The following PDE3A variants were observed in gnomAD, a reference collection of about 807,000 sequenced individuals.
PDE3A encodes phosphodiesterase 3A, also known as cGMP-inhibited 3',5'-cyclic phosphodiesterase 3A.
In PDE3A, 43 loss-of-function variants were observed where a neutral mutation model predicts 98.3. That is an observed-to-expected ratio of 0.44 (90% CI 0.34 to 0.56). PDE3A has a LOEUF of 0.56. Ranked by LOEUF, PDE3A falls within the 20% of genes least tolerant of loss-of-function variation. PDE3A has a pLI of 0.01. For synonymous variants in PDE3A, 663 were observed against 567.9 expected (o/e 1.17, Z -2.38); for missense variants, 1,427 against 1,440.7 (o/e 0.99, Z 0.15).
chr12:20,395,844 G>T (rs1189553256), intron 1 of PDE3A, among the ~76,000 whole-genome samples: 6 of 151,496 alleles, frequency 4.0e-5, no homozygotes, highest in Non-Finnish European at 7.4e-5. Flanking sequence ...TATCAATGAG[G>T]TTCGTTAAAA....
chr12:20,465,331 C>T (rs1945322876), intron 1 of PDE3A, among the ~76,000 whole-genome samples: 1 of 152,106 alleles, frequency 6.6e-6, no homozygotes. Flanking sequence ...AATTTTCTAC[C>T]AACTCCCCAA....
At chr12:20,533,888 A>G (rs573519452) in intron 1 of PDE3A, among the ~76,000 whole-genome samples, 2 of 152,292 alleles carry the variant, frequency 1.3e-5, no homozygotes, top group East Asian at 3.9e-4. Context: ...CCTGCCTTTC[A>G]AAATTACATT....
At chr12:20,598,205 T>C (rs1000172746) in intron 2 of PDE3A, among the ~76,000 whole-genome samples, 2 of 149,710 alleles carry the variant, frequency 1.3e-5, no homozygotes, top group Non-Finnish European at 2.9e-5. Flanking sequence ...TATTTTGAGA[T>C]GGAGTCTTGC....
chr12:20,391,119 G>A (rs1301289020), intron 1 of PDE3A, among the ~76,000 whole-genome samples: 1 of 151,726 alleles, frequency 6.6e-6, no homozygotes, highest in African/African-American at 2.4e-5. Context: ...GCAGATGAGT[G>A]CTTTTCATAT....
intron 1 of PDE3A, among the ~76,000 whole-genome samples, chr12:20,524,224 G>A (rs1248345360): frequency 6.6e-6 from 1 of 152,342 alleles, no homozygotes; most frequent in African/African-American, 2.4e-5. Context: ...TTAGGTTTCA[G>A]TGACAAGTTT....
chr12:20,659,200 T>C (rs911122427), intron 15 of PDE3A, among the ~76,000 whole-genome samples: 4 of 152,170 alleles, frequency 2.6e-5, no homozygotes, highest in Admixed American at 6.5e-5. Flanking sequence ...TTCATTTCCC[T>C]CAGCACTCAT....
At chr12:20,492,725 GATTATA>G (rs1190182775) in intron 1 of PDE3A, among the ~76,000 whole-genome samples, 1 of 152,074 alleles carries the variant, frequency 6.6e-6, no homozygotes, top group Non-Finnish European at 1.5e-5. Context: ...AGCGAGGGGT[GATTATA>G]AATACTCACC....
intron 1 of PDE3A, among the ~76,000 whole-genome samples, chr12:20,545,278 T>C (rs1298065188): frequency 3.3e-5 from 5 of 152,054 alleles, no homozygotes; most frequent in Non-Finnish European, 7.4e-5. Flanking sequence ...TCTAAAGCAG[T>C]ATATAGGAAG....
At chr12:20,657,743 G>A (rs1036258263) in intron 15 of PDE3A, among the ~76,000 whole-genome samples, 3 of 152,104 alleles carry the variant, frequency 2.0e-5, no homozygotes, top group African/African-American at 7.2e-5. Flanking sequence ...TTTCTTCTAC[G>A]TCACCTTCTT....
intron 10 of PDE3A, among the ~76,000 whole-genome samples, chr12:20,640,386 A>G (rs1944618849): frequency 6.6e-6 from 1 of 152,132 alleles, no homozygotes; most frequent in Non-Finnish European, 1.5e-5. Flanking sequence ...TTTATTGGGT[A>G]AATTCAACTT....
chr12:20,569,335 G>T (rs1224077800), intron 2 of PDE3A, among the ~76,000 whole-genome samples: 3 of 151,898 alleles, frequency 2.0e-5, no homozygotes, highest in Non-Finnish European at 4.4e-5. Flanking sequence ...TCTGTACATT[G>T]TATATAAATC....
At position 20,369,747 on chromosome 12, in the gene PDE3A, G is replaced by T. The variant is rs1216388396; in HGVS notation, c.463G>T (p.Val155Leu). 3 of 1,612,286 alleles carry T rather than the reference G, an allele frequency of 1.9e-6. No homozygotes were observed. Among genetic ancestry groups the T allele is most frequent in the Non-Finnish European group, 2.5e-6 (3 of 1,179,778 alleles). Residue 155 changes from valine (V) to leucine (L), a missense_variant, in exon 1 of 16, where the codon GTG becomes TTG. Val to Leu is a conservative substitution (Grantham distance 32). This residue lies in a region of PDE3A where 1,012 missense variants were observed against 886.5 expected (regional missense o/e 1.14). Transcript: ENST00000359062. ...GGGCTTGTACCTCCTGCGCGCCGGGGTGCGCCTGCCTCTGGCTGTCGCGCT... is the reference window on the plus strand; with the variant it reads ...GGGCTTGTACCTCCTGCGCGCCGGGTTGCGCCTGCCTCTGGCTGTCGCGCT... The part of the protein sequence containing the change: ...WMGLYLLRAG[V>L]RLPLAVALLA...
chr12:20,407,042 A>G (rs530952659), intron 1 of PDE3A, among the ~76,000 whole-genome samples: 60 of 152,212 alleles, frequency 3.9e-4, no homozygotes, highest in Middle Eastern at 6.8e-3. Context: ...GTTCTGTTCT[A>G]TTGGTCTATG....
intron 1 of PDE3A, among the ~76,000 whole-genome samples, chr12:20,458,879 C>A (rs1945198857): frequency 6.6e-6 from 1 of 152,160 alleles, no homozygotes. Context: ...TAGTCATTAA[C>A]ATGGTGTTCA....
At chr12:20,566,853 T>C (rs1333769597) in intron 2 of PDE3A, among the ~76,000 whole-genome samples, 1 of 151,968 alleles carries the variant, frequency 6.6e-6, no homozygotes, top group African/African-American at 2.4e-5. Flanking sequence ...CGACAGGTCT[T>C]AACTCCACTT....
At chr12:20,400,649 A>T (rs1944113518) in intron 1 of PDE3A, among the ~76,000 whole-genome samples, 1 of 151,440 alleles carries the variant, frequency 6.6e-6, no homozygotes, top group Non-Finnish European at 1.5e-5. Context: ...CGATCTCCTG[A>T]CCTCGTGATC....
At chr12:20,580,828 C>T (rs535566713) in intron 2 of PDE3A, among the ~76,000 whole-genome samples, 20 of 152,276 alleles carry the variant, frequency 1.3e-4, no homozygotes, top group African/African-American at 3.9e-4. Context: ...CTAACAAACA[C>T]GCAAATATGC....
intron 1 of PDE3A, among the ~76,000 whole-genome samples, chr12:20,422,538 T>C (rs1758107559): frequency 6.6e-6 from 1 of 152,204 alleles, no homozygotes; most frequent in South Asian, 2.1e-4. Flanking sequence ...CATGTTATTA[T>C]TGAGGGGCCC....
rs976353134 is a variant in PDE3A, at chr12:20,688,024, T to A, written c.*7753T>A. 2.0e-5 allele frequency among the ~76,000 whole-genome samples: 3 copies of A among 151,480 alleles called. No homozygotes were observed. Among genetic ancestry groups the A allele is most frequent in the Admixed American group, 6.6e-5 (1 of 15,172 alleles). On this transcript the variant is annotated 3_prime_UTR_variant, in exon 16 of 16. Coordinates refer to ENST00000359062, the MANE Select transcript of PDE3A (RefSeq NM_000921.5). The stretch of plus-strand genomic sequence containing the variant: ...ACCAGAGAGTATTTAATTAACTAAA[T>A]TTACTGTTTCTGAAAAGCAATATTT...
Sources: gnomAD v4.1 joint callset for allele counts (sites outside exome capture counted in the v4.1 genomes callset) on GRCh38, gnomAD v4.1.1 for gene constraint, gnomAD v4.1.1 regional missense constraint, MANE v1.5 for transcripts, NCBI Gene and HGNC (gene_info 2026-07-23, HGNC 2026-07-21) for gene names.